The following ENTREP3 variants were observed in gnomAD, a reference collection of about 807,000 sequenced individuals.
ENTREP3 encodes endosomal transmembrane epsin interactor 3.
At chr1:155,250,450 C>G in the ENTREP3 span, 11 of 1,478,318 alleles carry the variant, frequency 7.4e-6, no homozygotes, top group African/African-American at 1.4e-5. The surrounding 1 kb of genome is among the most constrained non-coding windows in gnomAD (Gnocchi z 5.4). Context: ...CGGCCCCCTC[C>G]CCGGGGGACC....
chr1:155,247,825 T>C, the ENTREP3 span: 1 of 1,478,756 alleles, frequency 6.8e-7, no homozygotes, highest in Non-Finnish European at 9.0e-7. Flanking sequence ...GCTGAGGCTG[T>C]GGGGGCGGGT....
At chr1:155,254,511 C>T in the ENTREP3 span, 21 of 1,595,774 alleles carry the variant, frequency 1.3e-5, no homozygotes, top group Non-Finnish European at 1.8e-5. This position sits in a 1 kb window ranked among gnomAD's most constrained non-coding sequence, Gnocchi z 4.4. Flanking sequence ...CTGAGTGAGC[C>T]CCTCACCACA....
the ENTREP3 span, chr1:155,251,800 G>T: frequency 1.9e-6 from 3 of 1,587,160 alleles, no homozygotes; most frequent in Non-Finnish European, 1.7e-6. Context: ...GGCACAGGCG[G>T]GACAAATTCC....
At chr1:155,252,720 ATATTTTTT>A in the ENTREP3 span, 7 of 29,498 alleles carry the variant, frequency 2.4e-4, no homozygotes, top group East Asian at 8.4e-3. Context: ...ATATATATAT[ATATTTTTT>A]TTTTTTTTTT....
chr1:155,251,741 A>C, the ENTREP3 span: 4 of 1,611,774 alleles, frequency 2.5e-6, no homozygotes, highest in African/African-American at 5.4e-5. Context: ...ACCTCTGTGC[A>C]TCTGTTTCTG....
chr1:155,248,829 C>G, the ENTREP3 span, among the ~76,000 whole-genome samples: 1 of 151,874 alleles, frequency 6.6e-6, no homozygotes, highest in African/African-American at 2.4e-5. Flanking sequence ...ATTCTCCTGC[C>G]TCAGCCTCCC....
At chr1:155,252,552 T>C in the ENTREP3 span, among the ~76,000 whole-genome samples, 1 of 147,104 alleles carries the variant, frequency 6.8e-6, no homozygotes, top group Non-Finnish European at 1.5e-5. Context: ...GTATTTTTAG[T>C]AGAGATAGGG....
At chr1:155,251,231 T>C in the ENTREP3 span, 2 of 1,293,956 alleles carry the variant, frequency 1.5e-6, no homozygotes, top group Non-Finnish European at 2.1e-6. Context: ...TAGACAGAGC[T>C]CTGGAGACTT....
At chr1:155,249,317 C>T in the ENTREP3 span, among the ~76,000 whole-genome samples, 1 of 151,894 alleles carries the variant, frequency 6.6e-6, no homozygotes, top group African/African-American at 2.4e-5. Context: ...TCTCGAACTC[C>T]CGACCTCAGG....
the ENTREP3 span, chr1:155,250,543 C>T: frequency 1.3e-6 from 2 of 1,563,170 alleles, no homozygotes; most frequent in Admixed American, 1.8e-5. This position sits in a 1 kb window ranked among gnomAD's most constrained non-coding sequence, Gnocchi z 5.4. Flanking sequence ...GCTGTGGGGG[C>T]ACCCAGTGGG....
At chr1:155,252,085 C>CCTG in the ENTREP3 span, 1 of 484,486 alleles carries the variant, frequency 2.1e-6, no homozygotes, top group South Asian at 4.1e-5. Context: ...CACCCTGTAC[C>CCTG]TCTAGCTCTG....
chr1:155,254,001 G>A, the ENTREP3 span: 3 of 1,612,560 alleles, frequency 1.9e-6, no homozygotes, highest in East Asian at 2.2e-5. The surrounding 1 kb of genome is among the most constrained non-coding windows in gnomAD (Gnocchi z 4.4). Context: ...GGGAGGGTGA[G>A]GCAGCCTGAG....
chr1:155,251,750 T>G, the ENTREP3 span: 1 of 1,611,538 alleles, frequency 6.2e-7, no homozygotes, highest in South Asian at 1.1e-5. Context: ...CATCTGTTTC[T>G]GAGCTGCAGG....
the ENTREP3 span, chr1:155,253,789 G>A: frequency 2.5e-6 from 4 of 1,609,602 alleles, no homozygotes; most frequent in Admixed American, 5.1e-5. Flanking sequence ...ACACATTATG[G>A]GCCTGTGAGT....
At chr1:155,254,482 A>G in the ENTREP3 span, 1 of 1,613,994 alleles carries the variant, frequency 6.2e-7, no homozygotes, top group Non-Finnish European at 8.5e-7. This position sits in a 1 kb window ranked among gnomAD's most constrained non-coding sequence, Gnocchi z 4.4. Flanking sequence ...GCACAGGCTC[A>G]GCCTGGCAGG....
At chr1:155,252,712 ATATATATATATTTTTTTTTTTT>A in the ENTREP3 span, 5 of 50,148 alleles carry the variant, frequency 1.0e-4, 1 homozygote, top group African/African-American at 3.3e-4. Context: ...ATATATATAT[ATATATATATATTTTTTTTTTTT>A]TTTTTTTTTT....
At chr1:155,255,294 G>A in the ENTREP3 span, 1 of 227,790 alleles carries the variant, frequency 4.4e-6, no homozygotes, top group African/African-American at 2.3e-5. The surrounding 1 kb of genome is among the most constrained non-coding windows in gnomAD (Gnocchi z 5.6). Context: ...GGGAGGGGTC[G>A]GCGTGGGGTG....
At chr1:155,250,540 G>A in the ENTREP3 span, 1 of 1,560,840 alleles carries the variant, frequency 6.4e-7, no homozygotes, top group South Asian at 1.2e-5. This position sits in a 1 kb window ranked among gnomAD's most constrained non-coding sequence, Gnocchi z 5.4. Context: ...GCAGCTGTGG[G>A]GGCACCCAGT....
chr1:155,254,043 C>T, the ENTREP3 span: 8 of 1,612,974 alleles, frequency 5.0e-6, no homozygotes, highest in Non-Finnish European at 1.7e-6. This position sits in a 1 kb window ranked among gnomAD's most constrained non-coding sequence, Gnocchi z 4.4. Context: ...TGCACACCTC[C>T]CCCAGCCAGT....
Sources: allele counts gnomAD v4.1 joint callset (sites outside exome capture counted in the v4.1 genomes callset), GRCh38; gene constraint gnomAD v4.1.1; non-coding constraint Gnocchi (gnomAD v3.1); transcripts MANE v1.5; gene names NCBI Gene and HGNC (gene_info 2026-07-23, HGNC 2026-07-21).